The following RERE variants were observed in gnomAD, a reference collection of about 807,000 sequenced individuals.
The protein encoded by RERE is arginine-glutamic acid dipeptide repeats protein.
In RERE, 40 loss-of-function variants were observed where a neutral mutation model predicts 146.1. The ratio of observed to expected loss-of-function variants is 0.27; its 90% CI spans 0.21 to 0.36. The LOEUF (loss-of-function observed/expected upper bound fraction) is 0.36. RERE is among the 10% of genes least tolerant of loss of function. The probability of loss-of-function intolerance (pLI) is 1.00; values close to 1 mark genes in which losing one functional copy is unlikely to be tolerated. For synonymous variants in RERE, 1,003 were observed against 866.0 expected, an observed-to-expected ratio of 1.16 and a Z score of -2.78; for missense variants, 1,933 against 2,138.7, an observed-to-expected ratio of 0.90 and a Z score of 1.90.
intron 4 of RERE, among the ~76,000 whole-genome samples, chr1:8,575,087 A>G (rs1646274318): frequency 6.6e-6 from 1 of 152,238 alleles, no homozygotes; most frequent in East Asian, 1.9e-4. Flanking sequence ...TCTGAGGAGG[A>G]GAACCCTAAA....
At chr1:8,413,653 T>C (rs1435630353) in intron 12 of RERE, among the ~76,000 whole-genome samples, 2 of 152,110 alleles carry the variant, frequency 1.3e-5, no homozygotes, top group African/African-American at 4.8e-5. Flanking sequence ...CAATCTTAAT[T>C]TGAAGAGGGT....
chr1:8,753,667 C>G (rs746886679), intron 1 of RERE: 1 of 152,146 alleles, frequency 6.6e-6, no homozygotes, highest in African/African-American at 2.4e-5. Flanking sequence ...TTATTAAATT[C>G]TGGTGTTCAA....
chr1:8,513,894 C>G (rs1645375487), intron 7 of RERE, among the ~76,000 whole-genome samples: 1 of 152,320 alleles, frequency 6.6e-6, no homozygotes, highest in South Asian at 2.1e-4. Context: ...ACTCTGAAAT[C>G]CATTGGTCTG....
At chr1:8,784,063 G>A (rs1641217193) in intron 1 of RERE, among the ~76,000 whole-genome samples, 1 of 152,196 alleles carries the variant, frequency 6.6e-6, no homozygotes, top group Non-Finnish European at 1.5e-5. Context: ...AAGCCACCAA[G>A]CATGTGCTTG....
intron 7 of RERE, among the ~76,000 whole-genome samples, chr1:8,534,240 A>G (rs1053056292): frequency 6.6e-6 from 1 of 152,212 alleles, no homozygotes; most frequent in African/African-American, 2.4e-5. Flanking sequence ...ATGTTGAGGA[A>G]AAAAATGGTC....
chr1:8,492,825 G>A, intron 10 of RERE, among the ~76,000 whole-genome samples: 1 of 152,168 alleles, frequency 6.6e-6, no homozygotes, highest in Non-Finnish European at 1.5e-5. Context: ...TGGGAGAAAA[G>A]CTTGAGCCTG....
chr1:8,750,593 C>G, intron 1 of RERE: 1 of 1,006,248 alleles, frequency 9.9e-7, no homozygotes, highest in Non-Finnish European at 1.6e-6. Flanking sequence ...AAAAGCAAAG[C>G]ACTATCACAA....
In RERE at chr1:8,613,578, T is replaced by A. The variant is rs969579703; in HGVS notation, c.522+983A>T. ...GCACTTTCTTTTCTACGACCCAAGA[T>A]ATTAATATTCTACACTGCAGCTGAA... On this transcript the variant is annotated intron_variant, in intron 4 of 22. Coordinates refer to ENST00000400908, the MANE Select transcript of RERE (RefSeq NM_001042681.2). 2.0e-5 allele frequency among the ~76,000 whole-genome samples: 3 copies of A among 152,188 alleles called. No homozygotes were observed. The South Asian group carries it at 6.2e-4, about 32-fold the overall frequency.
Position 8,380,734 on chromosome 1 carries a change from G to A in RERE, c.1285-14760C>T, listed in dbSNP as rs1049294702. ...ACAAGTCAAAATCCTCAGCAATGAA[G>A]GAGAACAGAAAGGTAGAGATTTCTC... On this transcript the variant is annotated intron_variant, in intron 12 of 22. Coordinates refer to ENST00000400908, the MANE Select transcript of RERE (RefSeq NM_001042681.2). 4.7e-5 allele frequency: 19 copies of A among 403,788 alleles called. 1 individual carries two copies. The highest frequency in any genetic ancestry group is 3.6e-4 in the African/African-American group (17 of 47,612). 25.0% of individuals were successfully genotyped at this position (403,788 alleles called of 1,614,324 possible).
At chr1:8,760,799 A>T (rs1167516997) in intron 1 of RERE, among the ~76,000 whole-genome samples, 9 of 152,080 alleles carry the variant, frequency 5.9e-5, no homozygotes, top group Non-Finnish European at 1.3e-4. Flanking sequence ...ATATTTAAAA[A>T]GAGAAGCTCT....
intron 7 of RERE, among the ~76,000 whole-genome samples, chr1:8,536,697 G>A (rs574379232): frequency 2.0e-5 from 3 of 152,168 alleles, no homozygotes; most frequent in Admixed American, 6.5e-5. Context: ...CACCACAGAA[G>A]TAAATCTGGA....
chr1:8,807,918 C>T (rs1426013608), intron 1 of RERE, among the ~76,000 whole-genome samples: 1 of 152,014 alleles, frequency 6.6e-6, no homozygotes, highest in African/African-American at 2.4e-5. Flanking sequence ...GTATTTTGGC[C>T]AAAAGCCCAA....
chr1:8,497,004 G>A (rs1027737627), intron 9 of RERE, among the ~76,000 whole-genome samples: 1 of 152,094 alleles, frequency 6.6e-6, no homozygotes, highest in Admixed American at 6.5e-5. Flanking sequence ...TTTAAGCCCC[G>A]AATGCATTAG....
chr1:8,815,559 G>A (rs1641894810), intron 1 of RERE, among the ~76,000 whole-genome samples: 2 of 152,122 alleles, frequency 1.3e-5, no homozygotes, highest in African/African-American at 2.4e-5. Flanking sequence ...GCTGCAAAAG[G>A]AATAAAGGGA....
At chr1:8,366,095 C>T in intron 12 of RERE, 121 bp from the exon 13 acceptor site, 1 of 1,031,734 alleles carries the variant, frequency 9.7e-7, no homozygotes, top group Non-Finnish European at 1.4e-6. Flanking sequence ...AGAATAAAGA[C>T]CAGTCGCTCC....
chr1:8,687,690 C>T lies in RERE; in HGVS notation c.-144-31249G>A, dbSNP rs148977084. ...AAAGAGATTACATCCCATTTTCACA[C>T]CATATTCATAATTGCTTCGTCATAC... is the stretch of plus-strand genomic sequence containing the variant. On this transcript the variant is annotated intron_variant, in intron 1 of 22. Transcript: ENST00000400908. Among the ~76,000 whole-genome samples, 3 of 152,288 alleles carry T rather than the reference C, an allele frequency of 2.0e-5. No homozygotes were observed. The South Asian group carries it at 6.2e-4, about 32-fold the overall frequency.
chr1:8,724,889 AAC>A (rs985607006), intron 1 of RERE, among the ~76,000 whole-genome samples: 10 of 151,360 alleles, frequency 6.6e-5, no homozygotes, highest in East Asian at 1.9e-4. Flanking sequence ...AAAAAAAAAA[AAC>A]AACTCAACCT....
rs527986840 is a variant in RERE at position 8,706,170 on chromosome 1, T to G, written c.-144-49729A>C. 3.0e-3 allele frequency among the ~76,000 whole-genome samples: 436 copies of G among 145,912 alleles called. 2 individuals are homozygous for G. Among genetic ancestry groups the G allele is most frequent in the African/African-American group, 0.011 (414 of 39,420 alleles). On this transcript the variant is annotated intron_variant, in intron 1 of 22. Coordinates refer to ENST00000400908, the MANE Select transcript of RERE (RefSeq NM_001042681.2). ...CTTCTATTAACCTTTAAAAGCCTAG[T>G]AAGCCAAGAGTGGTGGTTCACGCCT...
At chr1:8,722,928 T>C (rs1639891910) in intron 1 of RERE, among the ~76,000 whole-genome samples, 1 of 152,334 alleles carries the variant, frequency 6.6e-6, no homozygotes, top group African/African-American at 2.4e-5. Context: ...AACCTGCATT[T>C]AAACTCAGGC....
Sources: allele counts gnomAD v4.1 joint callset (sites outside exome capture counted in the v4.1 genomes callset), GRCh38; gene constraint gnomAD v4.1.1; transcripts MANE v1.5; gene names NCBI Gene and HGNC (gene_info 2026-07-23, HGNC 2026-07-21).